Variants in CCDC180 observed in about 807,000 individuals in gnomAD.
CCDC180 encodes coiled-coil domain containing 180.
CCDC180 carries 154 observed loss-of-function variants against 209.2 expected under a neutral mutation model. That is an observed-to-expected ratio of 0.74 (90% CI 0.65 to 0.84). The LOEUF (loss-of-function observed/expected upper bound fraction) is 0.84, where lower values mean the gene tolerates loss of function less well. CCDC180 is among the 40% of genes least tolerant of loss of function. CCDC180 has a pLI of 0.00. For missense variants in CCDC180, 1,874 were observed against 1,997.3 expected (o/e 0.94, Z 1.18); for synonymous variants, 778 against 749.1 (o/e 1.04, Z -0.63).
rs532531556 is a variant in CCDC180, at chr9:97,377,893, A to T, written c.*999A>T. The T allele has an allele frequency of 7.9e-5, 12 of 151,924 alleles. No homozygotes were observed. The highest frequency in any genetic ancestry group is 2.7e-4 in the African/African-American group (11 of 41,326). The allele number at this position is 151,924 out of a possible 1,614,324, so 9.4% of individuals were successfully genotyped here. Reference sequence around the variant, plus strand: ...AAGAATTTATGAAACCAGCAAAAGGATAACTTTAAAATCCTGAGCCGGGCG... The same window carrying T: ...AAGAATTTATGAAACCAGCAAAAGGTTAACTTTAAAATCCTGAGCCGGGCG... On this transcript the variant is annotated 3_prime_UTR_variant, in exon 37 of 37. Coordinates refer to ENST00000529487, the MANE Select transcript of CCDC180 (RefSeq NM_020893.6).
chr9:97,341,198 A>G (rs539451226), intron 18 of CCDC180, among the ~76,000 whole-genome samples: 10 of 152,240 alleles, frequency 6.6e-5, no homozygotes, highest in Non-Finnish European at 1.2e-4. Flanking sequence ...TTTGTATCCA[A>G]TAAATAACTG....
At chr9:97,352,296 G>A (rs1388388271) in intron 22 of CCDC180, among the ~76,000 whole-genome samples, 3 of 152,186 alleles carry the variant, frequency 2.0e-5, no homozygotes, top group African/African-American at 7.2e-5. Context: ...GGAGATGTAG[G>A]AAATTTTAGA....
chr9:97,370,531 C>A, intron 32 of CCDC180, 110 bp from the exon 33 acceptor site: 2 of 1,277,848 alleles, frequency 1.6e-6, no homozygotes, highest in Non-Finnish European at 2.2e-6. Flanking sequence ...CCCCCACACA[C>A]CCAGGTCAGA....
chr9:97,317,232 A>G lies in CCDC180; in HGVS notation c.959+4A>G. 1 of 1,574,566 alleles carries G rather than the reference A, an allele frequency of 6.4e-7. No individual in the cohort carries two copies. On this transcript the variant is annotated splice_donor_region_variant and intron_variant, in intron 9 of 36. Coordinates refer to ENST00000529487, the MANE Select transcript of CCDC180 (RefSeq NM_020893.6). Reference sequence around the variant, plus strand: ...AGGCCCTGCTGCAGAGTTTCAGGTCAGTGCCGCCCACACAGCTCCTTCTCC... The same window carrying G: ...AGGCCCTGCTGCAGAGTTTCAGGTCGGTGCCGCCCACACAGCTCCTTCTCC...
At chr9:97,369,856 A>G in intron 31 of CCDC180, 66 bp from the exon 32 acceptor site, 1 of 1,571,294 alleles carries the variant, frequency 6.4e-7, no homozygotes, top group Non-Finnish European at 8.7e-7. Flanking sequence ...TTTGTTGTAG[A>G]GATCGCCTCT....
chr9:97,362,454 G>A lies in CCDC180; in HGVS notation c.3902+13G>A, dbSNP rs150952324. 3.0e-4 allele frequency: 480 copies of A among 1,610,920 alleles called. No homozygotes were observed. Among genetic ancestry groups the A allele is most frequent in the Non-Finnish European group, 3.8e-4 (451 of 1,177,980 alleles). ...CCTCTGCAGGCAGGTAGGACACAAA[G>A]CAGCCAGAATCGCCCCTTCCCAGTC... On this transcript the variant is annotated intron_variant, in intron 28 of 36. Transcript: ENST00000529487.
At chr9:97,316,548 C>G (rs1464509206) in intron 8 of CCDC180, among the ~76,000 whole-genome samples, 4 of 152,182 alleles carry the variant, frequency 2.6e-5, no homozygotes, top group Non-Finnish European at 5.9e-5. Flanking sequence ...AAAACAGTGC[C>G]ATGCAATGGA....
In CCDC180 at chr9:97,318,395, C is replaced by G. The variant is rs73559855; in HGVS notation, c.960-68C>G. On this transcript the variant is annotated intron_variant, in intron 9 of 36. Coordinates refer to ENST00000529487, the MANE Select transcript of CCDC180 (RefSeq NM_020893.6). ...CTCTGAATGCTGTCACCATGGTTCTCTTTCCCTCTCTCACTCCTGCCCTGC... is the reference window on the plus strand; with the variant it reads ...CTCTGAATGCTGTCACCATGGTTCTGTTTCCCTCTCTCACTCCTGCCCTGC... 1,964 of 1,575,102 alleles carry G rather than the reference C, an allele frequency of 1.2e-3. 20 individuals are homozygous for G. In the African/African-American group the frequency reaches 0.024, roughly 19 times the overall value.
At chr9:97,365,196 A>G (rs1179050302) in intron 29 of CCDC180, 1 of 154,818 alleles carries the variant, frequency 6.5e-6, no homozygotes, top group Non-Finnish European at 1.4e-5. Flanking sequence ...ATTTTCCTAG[A>G]CTATGACCAT....
At chr9:97,323,973 A>G (rs1286125440) in intron 13 of CCDC180, 70 bp downstream of exon 13, 1 of 1,517,580 alleles carries the variant, frequency 6.6e-7, no homozygotes, top group Admixed American at 2.0e-5. Flanking sequence ...GCTGGGCTGT[A>G]GGGAGAGTCC....
Position 97,377,036 on chromosome 9 carries a change from G to T in CCDC180, c.*142G>T, listed in dbSNP as rs979896878. On this transcript the variant is annotated 3_prime_UTR_variant, in exon 37 of 37. Coordinates refer to ENST00000529487, the MANE Select transcript of CCDC180 (RefSeq NM_020893.6). Reference sequence around the variant, plus strand: ...TGCCGGGCACTGTAGCTTTACCAGCGAACAGGACACAGCATGGTCCCTGCC... The same window carrying T: ...TGCCGGGCACTGTAGCTTTACCAGCTAACAGGACACAGCATGGTCCCTGCC... 6.5e-6 allele frequency: 6 copies of T among 920,906 alleles called. No individual in the cohort carries two copies. In the Admixed American group the frequency reaches 1.8e-4, roughly 27 times the overall value. 57.0% of individuals were successfully genotyped at this position (920,906 alleles called of 1,614,324 possible).
intron 14 of CCDC180, 69 bp downstream of exon 14, chr9:97,325,261 C>T (rs1833495720): frequency 6.8e-7 from 1 of 1,469,166 alleles, no homozygotes; most frequent in Non-Finnish European, 9.2e-7. Context: ...GATCCTTGAC[C>T]CAAATGGAGA....
Position 97,366,598 on chromosome 9 carries a change from G to T in CCDC180, c.4087G>T (p.Asp1363Tyr), listed in dbSNP as rs766317288. Residue 1363 changes from aspartate to tyrosine, a missense_variant, in exon 31 of 37, where the codon GAC becomes TAC. Physicochemically the swap from Asp to Tyr is radical, Grantham distance 160. Coordinates refer to ENST00000529487, the MANE Select transcript of CCDC180 (RefSeq NM_020893.6). The surrounding 1 kb of genome is among the most constrained non-coding windows in gnomAD (Gnocchi z 4.3). ...AGAAAAACGCCCAGTCACCAGGCCTGACTGCATGTGTGACACCTTTGACCA... is the reference window on the plus strand; with the variant it reads ...AGAAAAACGCCCAGTCACCAGGCCTTACTGCATGTGTGACACCTTTGACCA... ...RKEKRPVTRPDCMCDTFDQCA... is the reference protein window; with the variant it reads ...RKEKRPVTRPYCMCDTFDQCA... 2.5e-6 allele frequency: 4 copies of T among 1,614,216 alleles called. No homozygotes were observed. The highest frequency in any genetic ancestry group is 3.4e-6 in the Non-Finnish European group (4 of 1,180,030).
At chr9:97,330,088 AAGGT>A in intron 16 of CCDC180, 62 bp from the exon 17 acceptor site, 5 of 1,150,012 alleles carry the variant, frequency 4.3e-6, no homozygotes, top group Admixed American at 2.2e-5. Flanking sequence ...AAAAAAAAAA[AAGGT>A]GGGGGGCACT....
At chr9:97,325,450 T>C (rs1564153094) in intron 14 of CCDC180, among the ~76,000 whole-genome samples, 2 of 152,158 alleles carry the variant, frequency 1.3e-5, no homozygotes, top group Non-Finnish European at 2.9e-5. Flanking sequence ...TCACACACTT[T>C]ATTGCCATTG....
chr9:97,347,378 G>C lies in CCDC180; in HGVS notation c.2563G>C (p.Val855Leu), dbSNP rs980556894. The change falls in exon 20 of 37, where the codon GTC becomes CTC. Residue 855 changes from valine (V) to leucine (L), a missense_variant. Physicochemically the swap from Val to Leu is conservative, Grantham distance 32 (BLOSUM62 1). Transcript: ENST00000529487. ...WFDQCSLNTR[V>L]TVATKINELD... is the part of the protein sequence containing the mutation. ...TGACCAGTGTTCCCTCAACACCCGG[G>C]TCACCGTGGCCACCAAAATCAATGA... The C allele has an allele frequency of 3.9e-6, 6 of 1,535,966 alleles. No homozygotes were observed. The highest frequency in any genetic ancestry group is 5.2e-6 in the Non-Finnish European group (6 of 1,146,910).
chr9:97,349,077 C>T (rs754488509), intron 20 of CCDC180, 34 bp from the exon 21 acceptor site: 3 of 1,522,330 alleles, frequency 2.0e-6, no homozygotes, highest in South Asian at 2.4e-5. Context: ...TGAATCGGGT[C>T]CCCGGGGCCC....
intron 9 of CCDC180, among the ~76,000 whole-genome samples, chr9:97,317,749 A>G (rs1833225969): frequency 6.6e-6 from 1 of 152,084 alleles, no homozygotes; most frequent in Non-Finnish European, 1.5e-5. Context: ...GCTGTGGATG[A>G]AGGAAAAGTG....
At chr9:97,307,449 AG>A, upstream of CCDC180, 1 of 593,464 alleles carries the variant, frequency 1.7e-6, no homozygotes, top group Non-Finnish European at 3.1e-6. Flanking sequence ...GGGGACGGCC[AG>A]GGGCTGCTCA....
Sources: allele counts gnomAD v4.1 joint callset (sites outside exome capture counted in the v4.1 genomes callset), GRCh38; gene constraint gnomAD v4.1.1; non-coding constraint Gnocchi (gnomAD v3.1); transcripts MANE v1.5; gene names NCBI Gene and HGNC (gene_info 2026-07-23, HGNC 2026-07-21).